RHOBTB1: variants seen among roughly 807,000 people sequenced by gnomAD.
RHOBTB1 encodes the protein Rho related BTB domain containing 1, also known as rho-related BTB domain-containing protein 1.
Under a neutral mutation model 71.6 loss-of-function variants are expected in RHOBTB1, and 40 were observed. That is an observed-to-expected ratio of 0.56 (90% CI 0.43 to 0.73). The LOEUF is 0.73. RHOBTB1 is among the 30% of genes least tolerant of loss of function. The pLI is 0.00. For synonymous variants in RHOBTB1, 319 were observed against 334.9 expected (o/e 0.95, Z 0.52); for missense variants, 797 against 894.0 (o/e 0.89, Z 1.38).
intron 6 of RHOBTB1, among the ~76,000 whole-genome samples, chr10:60,887,427 C>A (rs912900019): frequency 2.0e-5 from 3 of 152,182 alleles, no homozygotes; most frequent in Non-Finnish European, 4.4e-5. Context: ...ATTACACACA[C>A]CCACACACCA....
At chr10:60,914,305 A>C (rs537739107) in intron 2 of RHOBTB1, among the ~76,000 whole-genome samples, 1 of 152,210 alleles carries the variant, frequency 6.6e-6, no homozygotes, top group Admixed American at 6.5e-5. Flanking sequence ...AAAAATAGTA[A>C]TACCTAACCC....
chr10:60,902,211 C>A (rs555022506), intron 4 of RHOBTB1, among the ~76,000 whole-genome samples: 1 of 152,134 alleles, frequency 6.6e-6, no homozygotes, highest in Non-Finnish European at 1.5e-5. Context: ...ATCTTCTGTG[C>A]GCCAGATGAT....
chr10:60,961,240 C>G (rs1328084702), intron 2 of RHOBTB1, among the ~76,000 whole-genome samples: 2 of 152,072 alleles, frequency 1.3e-5, no homozygotes, highest in Non-Finnish European at 2.9e-5. Context: ...TATAGGAAAC[C>G]TTGTATTCAG....
intron 4 of RHOBTB1, among the ~76,000 whole-genome samples, chr10:60,904,717 C>T (rs1466390567): frequency 6.6e-6 from 1 of 152,216 alleles, no homozygotes; most frequent in Non-Finnish European, 1.5e-5. Flanking sequence ...TCACCTCTTC[C>T]AGAACTCTTA....
chr10:60,875,088 G>C (rs2080988180), intron 8 of RHOBTB1, 46 bp from the exon 9 acceptor site: 7 of 1,436,686 alleles, frequency 4.9e-6, no homozygotes, highest in Non-Finnish European at 5.9e-6. Context: ...CACGCCCTGC[G>C]AGCCAGGTAG....
intron 2 of RHOBTB1, among the ~76,000 whole-genome samples, chr10:60,965,804 C>G (rs2134589988): frequency 6.6e-6 from 1 of 152,202 alleles, no homozygotes; most frequent in African/African-American, 2.4e-5. Context: ...AACCATCCAT[C>G]CTAGAATTCA....
At chr10:60,982,950 A>T (rs569167842) in intron 2 of RHOBTB1, among the ~76,000 whole-genome samples, 16 of 152,258 alleles carry the variant, frequency 1.1e-4, no homozygotes, top group Admixed American at 4.6e-4. Context: ...TGCACATGAC[A>T]TAAGGCACAG....
At chr10:60,980,913 C>T (rs2086474311) in intron 2 of RHOBTB1, among the ~76,000 whole-genome samples, 2 of 152,172 alleles carry the variant, frequency 1.3e-5, no homozygotes, top group South Asian at 4.1e-4. Flanking sequence ...TAGGTTACTA[C>T]ATTCACCTGG....
In RHOBTB1 at chr10:60,888,911, T is replaced by A; in HGVS notation, c.757A>T (p.Thr253Ser). The change falls in exon 6 of 11, where the codon ACA becomes TCA. Residue 253 changes from threonine (T) to serine (S), a missense_variant. By Grantham distance (58) the Thr-to-Ser change is moderately conservative. Around this residue, in one of 2 missense-constraint regions of RHOBTB1, gnomAD observed 658 missense variants for 681.5 expected, o/e 0.97. Coordinates refer to ENST00000337910, the MANE Select transcript of RHOBTB1 (RefSeq NM_014836.5). ...TCCAGTAAACAGGCAGCTTCATTTG[T>A]CCCCATGGAAGGACACTCTGGAATT... is the stretch of plus-strand genomic sequence containing the variant. ...IKIPECPSMG[T>S]NEAACLLDNP... is the part of the protein sequence containing the mutation. 1 of 1,614,146 alleles carries A rather than the reference T, an allele frequency of 6.2e-7. No homozygotes were observed. The highest frequency in any genetic ancestry group is 8.5e-7 in the Non-Finnish European group (1 of 1,180,024).
rs760439934 is a variant in RHOBTB1, at chr10:60,888,770, A to C, written c.898T>G (p.Cys300Gly). 6.2e-7 allele frequency: 1 copy of C among 1,614,154 alleles called. No individual in the cohort carries two copies. Among genetic ancestry groups the C allele is most frequent in the Non-Finnish European group, 8.5e-7 (1 of 1,180,022 alleles). ...SKFYDLFLME[C>G]EESPNGSEGA... ...TCACTCCCATTTGGGGATTCTTCACATTCCATTAAAAACAGATCATAAAAT... is the reference window on the plus strand; with the variant it reads ...TCACTCCCATTTGGGGATTCTTCACCTTCCATTAAAAACAGATCATAAAAT... The change falls in exon 6 of 11, where the codon TGT (cysteine) becomes GGT (glycine). Residue 300 changes from cysteine (C) to glycine (G), a missense_variant. Around this residue, in one of 2 missense-constraint regions of RHOBTB1, gnomAD observed 658 missense variants for 681.5 expected, o/e 0.97. Transcript: ENST00000337910.
intron 2 of RHOBTB1, among the ~76,000 whole-genome samples, chr10:60,980,649 T>C (rs1371636888): frequency 6.6e-6 from 1 of 151,790 alleles, no homozygotes; most frequent in African/African-American, 2.4e-5. Context: ...AACATACGAA[T>C]GATGGGAACA....
intron 2 of RHOBTB1, among the ~76,000 whole-genome samples, chr10:60,969,811 C>T (rs1208600499): frequency 2.0e-5 from 3 of 152,028 alleles, no homozygotes; most frequent in Admixed American, 6.6e-5. Context: ...TTTTGGATCA[C>T]TTTTAGGCTA....
intron 4 of RHOBTB1, among the ~76,000 whole-genome samples, chr10:60,895,122 T>A (rs1267468792): frequency 6.6e-6 from 1 of 152,194 alleles, no homozygotes; most frequent in Non-Finnish European, 1.5e-5. Flanking sequence ...AGGGCCCAAC[T>A]TCTAACTATG....
chr10:60,990,231 C>A (rs1030926119), intron 1 of RHOBTB1, among the ~76,000 whole-genome samples: 1 of 152,072 alleles, frequency 6.6e-6, no homozygotes, highest in African/African-American at 2.4e-5. Flanking sequence ...GATCTGCCCG[C>A]CTCGGCCTCC....
intron 2 of RHOBTB1, among the ~76,000 whole-genome samples, chr10:60,978,753 C>CT (rs1234178330): frequency 6.6e-6 from 1 of 152,194 alleles, no homozygotes; most frequent in South Asian, 2.1e-4. Flanking sequence ...TCTTCTTTTT[C>CT]TTTTTTTAAT....
intron 1 of RHOBTB1, among the ~76,000 whole-genome samples, chr10:60,986,806 T>C (rs1473280794): frequency 1.3e-5 from 2 of 152,132 alleles, no homozygotes; most frequent in Non-Finnish European, 2.9e-5. Context: ...ACCTGAAGCT[T>C]GAATCAGGAA....
chr10:60,931,436 G>A (rs2084247656), intron 2 of RHOBTB1, among the ~76,000 whole-genome samples: 1 of 152,136 alleles, frequency 6.6e-6, no homozygotes, highest in African/African-American at 2.4e-5. Context: ...CATGCAATAT[G>A]TGGCCTATTG....
intron 2 of RHOBTB1, among the ~76,000 whole-genome samples, chr10:60,931,876 C>A (rs1314964227): frequency 6.6e-6 from 1 of 152,072 alleles, no homozygotes; most frequent in African/African-American, 2.4e-5. Context: ...ACATACAATT[C>A]TACCTCAAAC....
At chr10:60,936,084 C>CTT (rs1248210630) in intron 2 of RHOBTB1, among the ~76,000 whole-genome samples, 2 of 152,276 alleles carry the variant, frequency 1.3e-5, no homozygotes, top group African/African-American at 4.8e-5. Flanking sequence ...GAAAAATATT[C>CTT]TTTCAGTATT....
Sources: allele counts gnomAD v4.1 joint callset (sites outside exome capture counted in the v4.1 genomes callset), GRCh38; gene constraint gnomAD v4.1.1; regional missense constraint gnomAD v4.1.1; transcripts MANE v1.5; gene names NCBI Gene and HGNC (gene_info 2026-07-23, HGNC 2026-07-21).